COL23A1: variants seen among roughly 807,000 people sequenced by gnomAD.
COL23A1 encodes the protein collagen type XXIII alpha 1 chain, also known as collagen alpha-1(XXIII) chain.
In COL23A1, 97 loss-of-function variants were observed where a neutral mutation model predicts 99.3. That is an observed-to-expected ratio of 0.98 (90% confidence interval 0.83 to 1.16). The LOEUF (loss-of-function observed/expected upper bound fraction) is 1.16. Ranked by LOEUF, COL23A1 falls within the 50% of genes most tolerant of loss-of-function variation. The pLI is 0.00. For missense variants in COL23A1, 762 were observed against 757.4 expected (o/e 1.01, Z -0.07); for synonymous variants, 320 against 308.2 (o/e 1.04, Z -0.40).
intron 1 of COL23A1, 127 bp from the exon 2 acceptor site, chr5:178,560,875 G>A: frequency 1.2e-6 from 1 of 837,110 alleles, no homozygotes; most frequent in Non-Finnish European, 1.9e-6. Context: ...GGCTGTCTGT[G>A]AGACCATCTC....
intron 6 of COL23A1, 144 bp from the exon 7 acceptor site, chr5:178,268,900 C>A: frequency 2.8e-6 from 2 of 724,866 alleles, no homozygotes; most frequent in Non-Finnish European, 4.3e-6. Context: ...TCTCAGCCCT[C>A]AATGAGAGCT....
At chr5:178,288,744 T>G (rs1195664178) in intron 4 of COL23A1, among the ~76,000 whole-genome samples, 1 of 152,006 alleles carries the variant, frequency 6.6e-6, no homozygotes, top group Non-Finnish European at 1.5e-5. Context: ...TCCTCTCAGT[T>G]GCCACTGGGA....
intron 2 of COL23A1, among the ~76,000 whole-genome samples, chr5:178,460,736 C>T (rs1055746875): frequency 2.1e-4 from 32 of 152,142 alleles, no homozygotes; most frequent in Admixed American, 9.8e-4. Context: ...ATGCCTGTTC[C>T]CCTGGCATGC....
In COL23A1 at chr5:178,560,740, G is replaced by A. The variant is rs373172383; in HGVS notation, c.303C>T (p.Asp101=). 1.4e-5 allele frequency: 22 copies of A among 1,610,180 alleles called. No homozygotes were observed. Among genetic ancestry groups the A allele is most frequent in the East Asian group, 4.5e-5 (2 of 44,806 alleles). ...GAGCAGTCCGGATCTTCGCTAGTCC[G>A]TCCAACTTCTGAGCCGGAAAAAAAA... ...HLERLLREKL[D]GLAKIRTARE... Residue 101 remains aspartate, a synonymous_variant, in exon 2 of 29, where the codon GAC becomes GAT. Coordinates refer to ENST00000390654, the MANE Select transcript of COL23A1 (RefSeq NM_173465.4).
intron 2 of COL23A1, among the ~76,000 whole-genome samples, chr5:178,355,880 T>C (rs1483419809): frequency 6.6e-6 from 1 of 150,518 alleles, no homozygotes; most frequent in Non-Finnish European, 1.5e-5. Context: ...TTGACAGCAC[T>C]GAGCTAGTGA....
In COL23A1 at chr5:178,569,911, C is replaced by T. The variant is rs138673553; in HGVS notation, c.295-9163G>A. Reference sequence around the variant, plus strand: ...AAGGGCTCACTTGGTTAAGTCAGGGCCACTGAATAATCTCCTTTTTCACTA... The same window carrying T: ...AAGGGCTCACTTGGTTAAGTCAGGGTCACTGAATAATCTCCTTTTTCACTA... On this transcript the variant is annotated intron_variant, in intron 1 of 28. Coordinates refer to ENST00000390654, the MANE Select transcript of COL23A1 (RefSeq NM_173465.4). 1.6e-4 allele frequency among the ~76,000 whole-genome samples: 24 copies of T among 152,228 alleles called. No homozygotes were observed. In the East Asian group the frequency reaches 4.4e-3, roughly 28 times the overall value.
chr5:178,380,193 G>A (rs943061649), intron 2 of COL23A1, among the ~76,000 whole-genome samples: 2 of 152,204 alleles, frequency 1.3e-5, no homozygotes, highest in Admixed American at 6.5e-5. Flanking sequence ...AGCAGGGTGT[G>A]GAAAGTCAAT....
chr5:178,557,682 G>A (rs966291727), intron 2 of COL23A1, among the ~76,000 whole-genome samples: 4 of 152,204 alleles, frequency 2.6e-5, no homozygotes, highest in Non-Finnish European at 5.9e-5. Flanking sequence ...GAGCCCCACT[G>A]CAGAATGTGG....
At chr5:178,554,748 A>G (rs1160174621) in intron 2 of COL23A1, among the ~76,000 whole-genome samples, 1 of 152,166 alleles carries the variant, frequency 6.6e-6, no homozygotes, top group Non-Finnish European at 1.5e-5. Context: ...CTGGCCCATC[A>G]ACGTGTCCCA....
rs78933776 is a variant in COL23A1 at position 178,472,178 on chromosome 5, A to G, written c.361+88504T>C. 4.1e-3 allele frequency among the ~76,000 whole-genome samples: 618 copies of G among 152,282 alleles called. 7 individuals carry two copies. Among genetic ancestry groups the G allele is most frequent in the African/African-American group, 0.014 (576 of 41,540 alleles). ...CCTGGGTATTGTTTAAAACAACCCC[A>G]AGGACTGCAGGCGCTGAAGAGAGGA... On this transcript the variant is annotated intron_variant, in intron 2 of 28. Transcript: ENST00000390654.
chr5:178,563,867 T>C (rs1036526533), intron 1 of COL23A1, among the ~76,000 whole-genome samples: 5 of 152,170 alleles, frequency 3.3e-5, no homozygotes, highest in African/African-American at 1.2e-4. Context: ...TTCGCAGATA[T>C]TAAGGCAGAT....
chr5:178,551,913 T>A (rs1482973871), intron 2 of COL23A1, among the ~76,000 whole-genome samples: 2 of 151,756 alleles, frequency 1.3e-5, no homozygotes, highest in Non-Finnish European at 2.9e-5. Flanking sequence ...GGACTCACCC[T>A]CCCCTCCCAC....
chr5:178,353,951 A>C (rs541632268), intron 2 of COL23A1, among the ~76,000 whole-genome samples: 79 of 144,910 alleles, frequency 5.5e-4, no homozygotes, highest in East Asian at 2.6e-3. Context: ...AAAAAAAAAA[A>C]AAACCAAAAA....
At chr5:178,342,537 T>C (rs910438492) in intron 2 of COL23A1, among the ~76,000 whole-genome samples, 1 of 152,182 alleles carries the variant, frequency 6.6e-6, no homozygotes. Context: ...TTCCCTGGGT[T>C]GAGTGATGCC....
At chr5:178,287,243 C>T (rs114716549) in intron 5 of COL23A1, among the ~76,000 whole-genome samples, 69 of 152,350 alleles carry the variant, frequency 4.5e-4, no homozygotes, top group African/African-American at 1.7e-3. Context: ...CTTACTTCCG[C>T]AGAGTCTGAG....
chr5:178,367,194 A>G (rs1581242236), intron 2 of COL23A1, among the ~76,000 whole-genome samples: 1 of 151,906 alleles, frequency 6.6e-6, no homozygotes, highest in Non-Finnish European at 1.5e-5. Flanking sequence ...CTGCTTGGAA[A>G]CCACCAATGG....
At chr5:178,450,363 G>C (rs980145625) in intron 2 of COL23A1, among the ~76,000 whole-genome samples, 1 of 152,084 alleles carries the variant, frequency 6.6e-6, no homozygotes, top group Admixed American at 6.6e-5. Flanking sequence ...CTTCCTTCTC[G>C]GGCTCACTCT....
At chr5:178,523,163 C>CACAT (rs1370406285) in intron 2 of COL23A1, among the ~76,000 whole-genome samples, 28 of 95,566 alleles carry the variant, frequency 2.9e-4, no homozygotes, top group African/African-American at 1.1e-3. Context: ...TATATATATA[C>CACAT]ATATATATAT....
At position 178,262,636 on chromosome 5, in the gene COL23A1, A is replaced by G. The variant is rs116340897; in HGVS notation, c.640-384T>C. 2.0e-3 allele frequency among the ~76,000 whole-genome samples: 311 copies of G among 152,202 alleles called. 1 individual carries two copies. Among genetic ancestry groups the G allele is most frequent in the African/African-American group, 7.2e-3 (301 of 41,530 alleles). On this transcript the variant is annotated intron_variant, in intron 9 of 28. Coordinates refer to ENST00000390654, the MANE Select transcript of COL23A1 (RefSeq NM_173465.4). ...GGTAGTAGGATGGGGCCTGGCCTCT[A>G]GACTTTGGAGACCCTGGGAGGAAAG...
Sources: allele counts gnomAD v4.1 joint callset (sites outside exome capture counted in the v4.1 genomes callset), GRCh38; gene constraint gnomAD v4.1.1; transcripts MANE v1.5; gene names NCBI Gene and HGNC (gene_info 2026-07-23, HGNC 2026-07-21).